The following DCC variants were observed in gnomAD, a reference collection of about 807,000 sequenced individuals.
DCC encodes the protein netrin receptor DCC.
Under a neutral mutation model 172.5 loss-of-function variants are expected in DCC, and 58 were observed. That is an observed-to-expected ratio of 0.34 (90% confidence interval 0.27 to 0.42). DCC has a LOEUF of 0.42. Ranked by LOEUF, DCC falls within the 10% of genes least tolerant of loss-of-function variation. The probability of loss-of-function intolerance (pLI) is 1.00; values close to 1 mark genes in which losing one functional copy is unlikely to be tolerated. For missense variants in DCC, 1,740 were observed against 1,791.0 expected, an observed-to-expected ratio of 0.97 and a Z score of 0.51; for synonymous variants, 709 against 644.5, an observed-to-expected ratio of 1.10 and a Z score of -1.52.
intron 7 of DCC, among the ~76,000 whole-genome samples, chr18:53,128,860 C>A (rs1046697167): frequency 1.3e-5 from 1 of 79,334 alleles, no homozygotes; most frequent in African/African-American, 4.7e-5. Context: ...CACACACACA[C>A]ACACACACAC....
At chr18:53,237,946 C>A (rs1037861969) in intron 12 of DCC, among the ~76,000 whole-genome samples, 1 of 152,124 alleles carries the variant, frequency 6.6e-6, no homozygotes, top group Non-Finnish European at 1.5e-5. Flanking sequence ...CAGATTTAAT[C>A]TTCAAATCTA....
intron 1 of DCC, among the ~76,000 whole-genome samples, chr18:52,373,084 A>G (rs1170080339): frequency 6.6e-6 from 1 of 152,216 alleles, no homozygotes; most frequent in African/African-American, 2.4e-5. Context: ...AGAGAGAAAG[A>G]TACAGATTTT....
chr18:53,141,026 A>G (rs2144348631), intron 7 of DCC, among the ~76,000 whole-genome samples: 1 of 152,304 alleles, frequency 6.6e-6, no homozygotes, highest in South Asian at 2.1e-4. Context: ...TGAGAATTTC[A>G]GTACACATCC....
chr18:53,072,348 A>T (rs1040317128), intron 7 of DCC, among the ~76,000 whole-genome samples: 5 of 152,216 alleles, frequency 3.3e-5, no homozygotes, highest in African/African-American at 9.6e-5. Flanking sequence ...GTTAGCAATT[A>T]TCTGGAGCTG....
At chr18:52,726,913 C>A (rs993463529) in intron 1 of DCC, among the ~76,000 whole-genome samples, 1 of 152,162 alleles carries the variant, frequency 6.6e-6, no homozygotes, top group Non-Finnish European at 1.5e-5. Flanking sequence ...GTGTTATCAT[C>A]AGTATTAATT....
At chr18:52,460,769 A>G (rs1238056446) in intron 1 of DCC, among the ~76,000 whole-genome samples, 3 of 152,222 alleles carry the variant, frequency 2.0e-5, no homozygotes, top group African/African-American at 7.2e-5. Context: ...AAGGTACAAT[A>G]AAAATTCTGT....
At chr18:52,396,971 G>C (rs1986254403) in intron 1 of DCC, among the ~76,000 whole-genome samples, 1 of 151,984 alleles carries the variant, frequency 6.6e-6, no homozygotes, top group Non-Finnish European at 1.5e-5. Flanking sequence ...CTCAACAAAT[G>C]CTTTCCAGAC....
At chr18:52,616,638 G>A (rs901121446) in intron 1 of DCC, among the ~76,000 whole-genome samples, 1 of 152,010 alleles carries the variant, frequency 6.6e-6, no homozygotes, top group African/African-American at 2.4e-5. Flanking sequence ...TATATACTAA[G>A]AGGCATTCAG....
intron 5 of DCC, among the ~76,000 whole-genome samples, chr18:52,999,943 C>T (rs985828242): frequency 2.6e-5 from 4 of 151,858 alleles, no homozygotes; most frequent in Non-Finnish European, 5.9e-5. Flanking sequence ...AATACATAGC[C>T]ATGCAGGGAG....
intron 1 of DCC, among the ~76,000 whole-genome samples, chr18:52,591,814 G>A (rs1195676744): frequency 7.7e-6 from 1 of 130,326 alleles, no homozygotes; most frequent in African/African-American, 2.9e-5. Flanking sequence ...CGGTAGTAAC[G>A]GAATCTCACT....
intron 1 of DCC, among the ~76,000 whole-genome samples, chr18:52,637,103 T>G (rs1449132055): frequency 6.6e-6 from 1 of 152,068 alleles, no homozygotes; most frequent in Non-Finnish European, 1.5e-5. Flanking sequence ...GGAAGCCACA[T>G]CCATAGGAAA....
Position 53,392,333 on chromosome 18 carries a change from TA to T in DCC, c.2688+447del, listed in dbSNP as rs886737847. 6.7e-5 allele frequency among the ~76,000 whole-genome samples: 8 copies of T among 118,878 alleles called. No homozygotes were observed. The South Asian group carries it at 7.5e-4, about 11-fold the overall frequency. The allele number at this position is 118,878 out of a possible 152,430, so 78.0% of individuals were successfully genotyped here. ...TAACTGGGAATAGATAAGTTGAAGA[TA>T]TTTTTTTGTAACCTCAGCACTCTAA... On this transcript the variant is annotated intron_variant, in intron 17 of 28. Transcript: ENST00000442544.
At chr18:53,308,209 C>T (rs1206685453) in intron 13 of DCC, among the ~76,000 whole-genome samples, 2 of 151,268 alleles carry the variant, frequency 1.3e-5, no homozygotes, top group East Asian at 3.9e-4. Flanking sequence ...TACTATATGT[C>T]TAATTTAAAT....
intron 5 of DCC, among the ~76,000 whole-genome samples, chr18:53,055,886 A>G (rs1444177253): frequency 6.6e-6 from 1 of 152,160 alleles, no homozygotes; most frequent in South Asian, 2.1e-4. Flanking sequence ...AGTTAGCCAA[A>G]TACAAGTTAC....
chr18:52,542,473 A>G (rs183421557), intron 1 of DCC, among the ~76,000 whole-genome samples: 2 of 152,300 alleles, frequency 1.3e-5, no homozygotes, highest in East Asian at 3.9e-4. Context: ...TTTAAAAAAA[A>G]CCATCAAACA....
intron 3 of DCC, among the ~76,000 whole-genome samples, chr18:52,921,150 GT>G (rs1342792916): frequency 8.0e-3 from 20 of 2,498 alleles, no homozygotes; most frequent in Non-Finnish European, 0.025. Flanking sequence ...AAAGTAAAGG[GT>G]GTAAATAATG....
intron 27 of DCC, among the ~76,000 whole-genome samples, chr18:53,512,210 T>C (rs1246038493): frequency 6.6e-6 from 1 of 151,680 alleles, no homozygotes; most frequent in Non-Finnish European, 1.5e-5. Flanking sequence ...CACTGACACC[T>C]CACACGGCAG....
chr18:52,592,806 C>A (rs1001749522), intron 1 of DCC, among the ~76,000 whole-genome samples: 1 of 151,876 alleles, frequency 6.6e-6, no homozygotes, highest in Non-Finnish European at 1.5e-5. Context: ...TCTAATTGTG[C>A]GTGTGTGTGT....
At chr18:53,444,150 G>A (rs1264414167) in intron 22 of DCC, among the ~76,000 whole-genome samples, 1 of 152,208 alleles carries the variant, frequency 6.6e-6, no homozygotes, top group African/African-American at 2.4e-5. Flanking sequence ...TTTCTCCTAT[G>A]GGTAAAATGC....
Sources: gnomAD v4.1 joint callset for allele counts (sites outside exome capture counted in the v4.1 genomes callset) on GRCh38, gnomAD v4.1.1 for gene constraint, MANE v1.5 for transcripts, NCBI Gene and HGNC (gene_info 2026-07-23, HGNC 2026-07-21) for gene names.